The following TENM3 variants were observed in gnomAD, a reference collection of about 807,000 sequenced individuals.
The protein encoded by TENM3 is teneurin-3.
Under a neutral mutation model 255.1 loss-of-function variants are expected in TENM3, and 63 were observed. The ratio of observed to expected loss-of-function variants is 0.25; its 90% CI spans 0.20 to 0.30. The LOEUF (loss-of-function observed/expected upper bound fraction) is 0.30. TENM3 is among the 10% of genes least tolerant of loss of function. TENM3 has a pLI of 1.00. For synonymous variants in TENM3, 1,306 were observed against 1,322.3 expected, an observed-to-expected ratio of 0.99 and a Z score of 0.27; for missense variants, 2,929 against 3,461.1, an observed-to-expected ratio of 0.85 and a Z score of 3.86.
the TENM3 span, among the ~76,000 whole-genome samples, chr4:181,753,627 A>G: frequency 2.6e-5 from 4 of 152,176 alleles, no homozygotes; most frequent in African/African-American, 9.7e-5. Context: ...ATTTTAGATT[A>G]TTTGCTGATT....
the TENM3 span, among the ~76,000 whole-genome samples, chr4:181,531,791 TGCAGAAG>T: frequency 6.6e-6 from 1 of 152,202 alleles, no homozygotes; most frequent in African/African-American, 2.4e-5. Context: ...AAAGGGAGTG[TGCAGAAG>T]GCTTCCCTGA....
chr4:181,456,426 C>T, the TENM3 span, among the ~76,000 whole-genome samples: 31 of 151,806 alleles, frequency 2.0e-4, no homozygotes, highest in Non-Finnish European at 3.4e-4. Flanking sequence ...AACCAAGGAA[C>T]GAACGAGGGC....
the TENM3 span, among the ~76,000 whole-genome samples, chr4:181,898,659 C>T: frequency 6.6e-6 from 1 of 152,140 alleles, no homozygotes; most frequent in Non-Finnish European, 1.5e-5. Context: ...TCATATAACC[C>T]ATTACTCTAT....
At chr4:181,616,224 T>G in the TENM3 span, among the ~76,000 whole-genome samples, 1 of 142,000 alleles carries the variant, frequency 7.0e-6, no homozygotes, top group African/African-American at 2.6e-5. Context: ...TTCCATATGC[T>G]AATATTTCTC....
At chr4:181,989,508 A>T in the TENM3 span, among the ~76,000 whole-genome samples, 3 of 152,182 alleles carry the variant, frequency 2.0e-5, no homozygotes, top group Admixed American at 1.3e-4. Context: ...TTAAATTAAC[A>T]ATTTTCAAAA....
the TENM3 span, among the ~76,000 whole-genome samples, chr4:181,888,586 A>G: frequency 1.4e-4 from 3 of 20,748 alleles, no homozygotes; most frequent in African/African-American, 6.6e-4. Flanking sequence ...ATACATATAT[A>G]TATGCGTGTG....
chr4:181,545,022 C>T, the TENM3 span, among the ~76,000 whole-genome samples: 1 of 152,196 alleles, frequency 6.6e-6, no homozygotes, highest in Non-Finnish European at 1.5e-5. Flanking sequence ...GGTGGCATCG[C>T]TGCTGGCAGT....
At chr4:182,244,086 T>G (rs529900810) in intron 1 of TENM3, among the ~76,000 whole-genome samples, 1 of 151,234 alleles carries the variant, frequency 6.6e-6, no homozygotes, top group African/African-American at 2.4e-5. Flanking sequence ...CCCGAGTAGC[T>G]GGGACTACAG....
chr4:182,181,352 A>G (rs1375372172), intron 1 of TENM3, among the ~76,000 whole-genome samples: 1 of 152,124 alleles, frequency 6.6e-6, no homozygotes, highest in Admixed American at 6.5e-5. Flanking sequence ...CGGTCCCCAA[A>G]TCTTCTGCTG....
At chr4:182,711,946 T>G (rs981866302) in intron 12 of TENM3, among the ~76,000 whole-genome samples, 3 of 152,180 alleles carry the variant, frequency 2.0e-5, no homozygotes, top group Admixed American at 1.3e-4. Flanking sequence ...CTTAATGAGC[T>G]TTAAATTCTA....
chr4:182,779,415 T>G (rs1561241723), intron 24 of TENM3, among the ~76,000 whole-genome samples: 1 of 152,190 alleles, frequency 6.6e-6, no homozygotes, highest in East Asian at 1.9e-4. Flanking sequence ...TGCATAGTAT[T>G]CCATGGTGTA....
chr4:181,948,779 A>G, the TENM3 span, among the ~76,000 whole-genome samples: 1 of 151,502 alleles, frequency 6.6e-6, no homozygotes, highest in Admixed American at 6.6e-5. Context: ...AAGTACCCCC[A>G]CCCCCACTGT....
At chr4:182,218,497 C>T (rs189553906) in intron 1 of TENM3, among the ~76,000 whole-genome samples, 176 of 152,208 alleles carry the variant, frequency 1.2e-3, no homozygotes, top group South Asian at 3.5e-3. Context: ...GTCATCTTAG[C>T]CCCATTTTAT....
chr4:181,658,645 G>A, the TENM3 span, among the ~76,000 whole-genome samples: 5 of 152,200 alleles, frequency 3.3e-5, no homozygotes, highest in Non-Finnish European at 7.3e-5. Flanking sequence ...TCCGTAGCAC[G>A]ATGGAGCAGA....
chr4:182,602,586 G>A (rs952331182), intron 4 of TENM3, among the ~76,000 whole-genome samples: 3 of 152,130 alleles, frequency 2.0e-5, no homozygotes, highest in African/African-American at 7.2e-5. Flanking sequence ...ATCCATATCA[G>A]CCACGAGTAG....
chr4:182,042,165 T>G, the TENM3 span, among the ~76,000 whole-genome samples: 1 of 152,140 alleles, frequency 6.6e-6, no homozygotes, highest in Non-Finnish European at 1.5e-5. Context: ...TCTCAGGAAG[T>G]CTTAATCCTT....
At chr4:182,048,714 A>G in the TENM3 span, among the ~76,000 whole-genome samples, 8 of 151,960 alleles carry the variant, frequency 5.3e-5, no homozygotes, top group Admixed American at 2.6e-4. Context: ...TGTTTATTGA[A>G]AGAAATTTCA....
chr4:182,151,399 G>C (rs976399160), intron 1 of TENM3, among the ~76,000 whole-genome samples: 1 of 152,048 alleles, frequency 6.6e-6, no homozygotes, highest in African/African-American at 2.4e-5. Flanking sequence ...TCTTTTTAAA[G>C]AGTAACATCT....
At chr4:182,578,166 G>T (rs1251455946) in intron 3 of TENM3, among the ~76,000 whole-genome samples, 1 of 151,890 alleles carries the variant, frequency 6.6e-6, no homozygotes, top group Non-Finnish European at 1.5e-5. Context: ...TAGTAGAGAC[G>T]GGGTTTCACC....
Sources: allele counts gnomAD v4.1 joint callset (sites outside exome capture counted in the v4.1 genomes callset), GRCh38; gene constraint gnomAD v4.1.1; transcripts MANE v1.5; gene names NCBI Gene and HGNC (gene_info 2026-07-23, HGNC 2026-07-21).